The following DOC2B variants were observed in gnomAD, a reference collection of about 807,000 sequenced individuals.
DOC2B encodes the protein double C2-like domain-containing protein beta.
DOC2B carries 21 observed loss-of-function variants against 28.9 expected under a neutral mutation model. The ratio of observed to expected loss-of-function variants is 0.73; its 90% CI spans 0.52 to 1.05. The LOEUF is 1.05. DOC2B is among the 50% of genes least tolerant of loss of function. The pLI is 0.00. For missense variants in DOC2B, 384 were observed against 421.1 expected (o/e 0.91, Z 0.77); for synonymous variants, 194 against 178.1 (o/e 1.09, Z -0.71).
chr17:151,596 G>A (rs62053747), intron 6 of DOC2B, among the ~76,000 whole-genome samples: 9,509 of 152,170 alleles, frequency 0.062, 455 homozygotes, highest in Non-Finnish European at 0.091. Context: ...CCCGCCACCC[G>A]GAGACAGCGG....
intron 5 of DOC2B, among the ~76,000 whole-genome samples, chr17:160,838 G>C (rs970050141): frequency 3.3e-5 from 5 of 152,134 alleles, no homozygotes; most frequent in Non-Finnish European, 7.4e-5. Flanking sequence ...GCCATTTCTA[G>C]GAAAGGATAC....
At position 164,215 on chromosome 17, in the gene DOC2B, A is replaced by G; in HGVS notation, c.454-11T>C. The stretch of plus-strand genomic sequence containing the variant: ...CATTGGCTTCAGGCCCTGGGCAGAG[A>G]AGAGCAAACGGTGTGAACTGGAAAT... On this transcript the variant is annotated splice_polypyrimidine_tract_variant and intron_variant, in intron 2 of 8. Transcript: ENST00000613549. 1 of 1,547,054 alleles carries G rather than the reference A, an allele frequency of 6.5e-7. No homozygotes were observed. Among genetic ancestry groups the G allele is most frequent in the East Asian group, 2.4e-5 (1 of 40,910 alleles).
At position 181,342 on chromosome 17, in the gene DOC2B, CG is replaced by C. The variant is rs1189539272; in HGVS notation, c.137del (p.Pro46ArgfsTer108). 13 of 1,130,772 alleles carry C rather than the reference CG, an allele frequency of 1.1e-5. No homozygotes were observed. Among genetic ancestry groups the C allele is most frequent in the East Asian group, 5.0e-5 (1 of 20,154 alleles). 70.0% of individuals were successfully genotyped at this position (1,130,772 alleles called of 1,614,324 possible). On this transcript the variant is annotated frameshift_variant, in exon 1 of 9. Transcript: ENST00000613549. LOFTEE classifies it high-confidence loss of function. The surrounding 1 kb of genome is among the most constrained non-coding windows in gnomAD (Gnocchi z 7.0). The stretch of plus-strand genomic sequence containing the variant: ...GTGCAGCGGCTCGGGGCCCGGCGTC[CG>C]GGGGCAGGCCCCGCGGGAAGCGGGG... Reference protein sequence around the residue: ...YFPRFPRGLPPDAGPRAAAPP... With the variant: ...YFPRFPRGLPXDAGPRAAAPP...
chr17:153,691 ACT>A (rs1567527885), intron 6 of DOC2B, among the ~76,000 whole-genome samples: 1 of 149,502 alleles, frequency 6.7e-6, no homozygotes, highest in African/African-American at 2.5e-5. Flanking sequence ...ACAGAGTAAG[ACT>A]CTGTCTCAAA....
At position 154,225 on chromosome 17, in the gene DOC2B, G is replaced by A. The variant is rs143077022; in HGVS notation, c.923+1995C>T. Among the ~76,000 whole-genome samples the A allele has an allele frequency of 3.0e-4, 44 of 148,536 alleles. 1 individual carries two copies. In the East Asian group the frequency reaches 8.0e-3, roughly 27 times the overall value. On this transcript the variant is annotated intron_variant, in intron 6 of 8. Transcript: ENST00000613549. Reference sequence around the variant, plus strand: ...CTTAGGGCTGATATTCCACACACCCGCTACACTCCTTCTTAGGGCTGATAT... The same window carrying A: ...CTTAGGGCTGATATTCCACACACCCACTACACTCCTTCTTAGGGCTGATAT...
chr17:159,879 A>G (rs1038213233), intron 5 of DOC2B, among the ~76,000 whole-genome samples: 33 of 148,060 alleles, frequency 2.2e-4, no homozygotes, highest in African/African-American at 8.0e-4. Context: ...ACACACGAGC[A>G]CACACACACA....
intron 1 of DOC2B, among the ~76,000 whole-genome samples, chr17:176,969 A>G (rs1366834599): frequency 6.6e-6 from 1 of 151,644 alleles, no homozygotes; most frequent in Non-Finnish European, 1.5e-5. Flanking sequence ...CAGCATCATC[A>G]TAACCTTGGT....
chr17:180,957 C>T (rs1310565102), intron 1 of DOC2B, 150 bp downstream of exon 1: 3 of 608,892 alleles, frequency 4.9e-6, no homozygotes, highest in East Asian at 3.8e-5. Flanking sequence ...GCACCGAGTG[C>T]GCCAGGGGCC....
In DOC2B at chr17:161,475, CA is replaced by C; in HGVS notation, c.704del (p.Leu235ArgfsTer4). The part of the protein sequence containing the change: ...NEFIGETRVP[L>X]KKLKPNHTKT... ...TGGTGTGGTTGGGTTTCAGCTTCTT[CA>C]GGGGCACACGTGTCTCCCCGATGAA... On this transcript the variant is annotated frameshift_variant, in exon 5 of 9. Transcript: ENST00000613549. LOFTEE classifies it high-confidence loss of function. The C allele has an allele frequency of 6.4e-7, 1 of 1,551,746 alleles. No individual in the cohort carries two copies.
At chr17:163,153 A>G (rs1437601843) in intron 3 of DOC2B, among the ~76,000 whole-genome samples, 1 of 152,174 alleles carries the variant, frequency 6.6e-6, no homozygotes, top group African/African-American at 2.4e-5. Flanking sequence ...GACTTCCTAC[A>G]ACTCGGCAGC....
chr17:169,523 G>A (rs2040287912), intron 2 of DOC2B, among the ~76,000 whole-genome samples: 1 of 152,032 alleles, frequency 6.6e-6, no homozygotes, highest in Admixed American at 6.5e-5. Context: ...AAGTGGTTGA[G>A]GTGGGAAATG....
intron 1 of DOC2B, among the ~76,000 whole-genome samples, chr17:179,052 C>T (rs1057316151): frequency 5.3e-5 from 8 of 152,210 alleles, no homozygotes; most frequent in Non-Finnish European, 1.5e-5. Context: ...AGGGTGGGGC[C>T]CCCCTCGAAG....
chr17:156,321 G>A lies in DOC2B; in HGVS notation c.822C>T (p.Leu274=), dbSNP rs762127705. The change falls in exon 6 of 9, where the codon CTC becomes CTT. Residue 274 remains leucine, a synonymous_variant. Coordinates refer to ENST00000613549, the MANE Select transcript of DOC2B (RefSeq NM_003585.5). ...LEERGRILIS[L]KYSSQKQGLL... is the part of the protein sequence containing the mutation. Reference sequence around the variant, plus strand: ...GGCCTTGCTTCTGTGAGCTGTACTTGAGGGAGATGAGGATGCGGCCCCGCT... The same window carrying A: ...GGCCTTGCTTCTGTGAGCTGTACTTAAGGGAGATGAGGATGCGGCCCCGCT... 2 of 1,551,656 alleles carry A rather than the reference G, an allele frequency of 1.3e-6. No individual in the cohort carries two copies. The highest frequency in any genetic ancestry group is 1.2e-5 in the South Asian group (1 of 84,068).
intron 1 of DOC2B, among the ~76,000 whole-genome samples, chr17:173,323 G>A (rs1011736806): frequency 1.3e-5 from 2 of 152,162 alleles, no homozygotes; most frequent in South Asian, 4.1e-4. Context: ...ATGCAGAAGC[G>A]GCTCCCAGCA....
At chr17:148,453 CCT>C (rs2040038660) in intron 7 of DOC2B, among the ~76,000 whole-genome samples, 184 bp from the exon 8 acceptor site, 1 of 152,092 alleles carries the variant, frequency 6.6e-6, no homozygotes, top group Non-Finnish European at 1.5e-5. Flanking sequence ...CTTCAGGGCC[CCT>C]GTCCCCTCGC....
rs185569226 is a variant in DOC2B, at chr17:166,010, G to A, written c.454-1806C>T. On this transcript the variant is annotated intron_variant, in intron 2 of 8. Transcript: ENST00000613549. ...CAGTGGCTCTGGTGGTCCCACCTCC[G>A]TACCCCGAGACACCCGTGGGAGCTA... is the stretch of plus-strand genomic sequence containing the variant. Among the ~76,000 whole-genome samples, 17 of 152,160 alleles carry A rather than the reference G, an allele frequency of 1.1e-4. No homozygotes were observed. In the East Asian group the frequency reaches 1.7e-3, roughly 16 times the overall value.
chr17:155,892 GC>G, intron 6 of DOC2B: 1 of 343,546 alleles, frequency 2.9e-6, no homozygotes, highest in Non-Finnish European at 5.3e-6. Context: ...CCCGGCACTG[GC>G]CCCGCCTTCT....
chr17:151,627 T>C (rs1555521831), intron 6 of DOC2B, among the ~76,000 whole-genome samples: 1 of 152,218 alleles, frequency 6.6e-6, no homozygotes, highest in Non-Finnish European at 1.5e-5. Context: ...TTACTTACTA[T>C]GCTCCTTGGC....
intron 7 of DOC2B, among the ~76,000 whole-genome samples, chr17:148,802 G>A (rs1335336809): frequency 6.6e-6 from 1 of 152,088 alleles, no homozygotes; most frequent in East Asian, 1.9e-4. Context: ...GCCCCAGGGT[G>A]TCTCGAGTCC....
Sources: gnomAD v4.1 joint callset for allele counts (sites outside exome capture counted in the v4.1 genomes callset) on GRCh38, gnomAD v4.1.1 for gene constraint, Gnocchi (gnomAD v3.1) non-coding constraint, MANE v1.5 for transcripts, NCBI Gene and HGNC (gene_info 2026-07-23, HGNC 2026-07-21) for gene names.